Variants in TAF7L observed in about 807,000 individuals in gnomAD.
The protein encoded by TAF7L is TATA-box binding protein associated factor 7 like.
In TAF7L, 6 loss-of-function variants were observed where a neutral mutation model predicts 30.2. The ratio of observed to expected loss-of-function variants is 0.20; its 90% CI spans 0.11 to 0.39. The LOEUF (loss-of-function observed/expected upper bound fraction) is 0.39. TAF7L is among the 10% of genes least tolerant of loss of function. The pLI, the probability that TAF7L is intolerant of heterozygous loss-of-function variation, is 1.00. For synonymous variants in TAF7L, 93 were observed against 94.5 expected (o/e 0.98, Z 0.09); for missense variants, 284 against 277.1 (o/e 1.03, Z -0.18).
rs780573926 is a variant in TAF7L at position 101,275,228 on chromosome X, A to AT, written c.1079dup (p.Asn360LysfsTer2). The AT allele has an allele frequency of 8.5e-6, 10 of 1,181,519 alleles. No homozygotes were observed. Among genetic ancestry groups the AT allele is most frequent in the South Asian group, 1.9e-5 (1 of 53,576 alleles). Reference sequence around the variant, plus strand: ...TTGAAAACATACTTCTTACCTTCTCATTTTTTTGTTTTTCCTGTAACTCAA... The same window carrying AT: ...TTGAAAACATACTTCTTACCTTCTCATTTTTTTTGTTTTTCCTGTAACTCAA... On this transcript the variant is annotated frameshift_variant, in exon 12 of 13. Transcript: ENST00000356784. LOFTEE classifies it high-confidence loss of function.
At chrX:101,288,698 G>A (rs1012977842) in intron 1 of TAF7L, among the ~76,000 whole-genome samples, 8 of 109,632 alleles carry the variant, frequency 7.3e-5, no homozygotes, top group Non-Finnish European at 1.1e-4. Flanking sequence ...TCCTAAGATG[G>A]ATCTTTTTAT....
At chrX:101,276,166 C>T in intron 10 of TAF7L, 54 bp from the exon 11 acceptor site, 3 of 1,158,445 alleles carry the variant, frequency 2.6e-6, no homozygotes, top group Non-Finnish European at 3.5e-6. Context: ...ATGAATGGAC[C>T]AAGATCCAAA....
In TAF7L at chrX:101,284,789, T is replaced by TAAA. The variant is rs61103229; in HGVS notation, c.146-1209_146-1207dup. ...TTCTCCTTTATATGCTTCTCTGTAT[T>TAAA]AAAAAAAAAAACTAGCAAAATTTAT... On this transcript the variant is annotated intron_variant, in intron 3 of 12. Coordinates refer to ENST00000356784, the MANE Select transcript of TAF7L (RefSeq NM_001168474.2). 4.2e-3 allele frequency among the ~76,000 whole-genome samples: 442 copies of TAAA among 105,141 alleles called. 1 individual carries two copies. Among genetic ancestry groups the TAAA allele is most frequent in the African/African-American group, 0.014 (408 of 28,916 alleles). The allele number at this position is 105,141 out of a possible 115,157, so 91.3% of individuals were successfully genotyped here.
Position 101,276,152 on chromosome X carries a change from C to T in TAF7L, c.914-40G>A, listed in dbSNP as rs199702340. ...TAGAACTTTATATATTAAATATAGC[C>T]TAAATGAATGGACCAAGATCCAAAT... On this transcript the variant is annotated intron_variant, in intron 10 of 12. Coordinates refer to ENST00000356784, the MANE Select transcript of TAF7L (RefSeq NM_001168474.2). 19 of 1,149,794 alleles carry T rather than the reference C, an allele frequency of 1.7e-5. No individual in the cohort carries two copies. In the Admixed American group the frequency reaches 1.8e-4, roughly 11 times the overall value. 94.8% of individuals were successfully genotyped at this position (1,149,794 alleles called of 1,213,427 possible).
chrX:101,276,928 G>A (rs5991959), intron 9 of TAF7L, among the ~76,000 whole-genome samples: 36,773 of 104,026 alleles, frequency 0.35, 4,684 homozygotes, highest in Middle Eastern at 0.38. Flanking sequence ...CCAGGAGTTG[G>A]AGACCAGCCT....
chrX:101,288,472 A>G (rs1301082946), intron 1 of TAF7L, among the ~76,000 whole-genome samples: 1 of 99,586 alleles, frequency 1.0e-5, no homozygotes, highest in Non-Finnish European at 2.1e-5. Flanking sequence ...TTTTTTTGAG[A>G]CGGAGTCTCT....
At chrX:101,281,241 ATC>A (rs1449562074) in intron 6 of TAF7L, among the ~76,000 whole-genome samples, 3 of 112,232 alleles carry the variant, frequency 2.7e-5, no homozygotes, top group Non-Finnish European at 5.6e-5. Context: ...GGTACACGAT[ATC>A]TCTCTTTTAT....
intron 6 of TAF7L, among the ~76,000 whole-genome samples, chrX:101,279,793 G>A (rs11092299): frequency 0.34 from 37,599 of 110,027 alleles, 4,714 homozygotes; most frequent in Middle Eastern, 0.38. Context: ...GAGGAGAATG[G>A]AGAACCCAGA....
At position 101,268,342 on chromosome X, in the gene TAF7L, T is replaced by G. The variant is rs1242082617; in HGVS notation, c.*851A>C. The stretch of plus-strand genomic sequence containing the variant: ...ACCTAGAAAAAAACCCAAACAAGAT[T>G]GTTAAAGAAGTCTTCATAGGCATTA... On this transcript the variant is annotated 3_prime_UTR_variant, in exon 13 of 13. Transcript: ENST00000356784. 3.6e-5 allele frequency: 4 copies of G among 112,067 alleles called. No homozygotes were observed. The highest frequency in any genetic ancestry group is 5.6e-5 in the Non-Finnish European group (3 of 53,254). 9.2% of individuals were successfully genotyped at this position (112,067 alleles called of 1,213,427 possible).
At chrX:101,286,082 G>A (rs1325097098) in intron 3 of TAF7L, among the ~76,000 whole-genome samples, 5 of 108,676 alleles carry the variant, frequency 4.6e-5, no homozygotes, top group African/African-American at 1.0e-4. Flanking sequence ...TTGGGAGGCT[G>A]AGGCAGAAGA....
rs1569511159 is a variant in TAF7L, at chrX:101,276,467, A to G, written c.753T>C (p.Asp251=). The G allele has an allele frequency of 8.3e-7, 1 of 1,207,209 alleles. No homozygotes were observed. Among genetic ancestry groups the G allele is most frequent in the African/African-American group, 1.8e-5 (1 of 57,100 alleles). ...CCTCATCCTCATCTTCATCATCCTC[A>G]TCCTCATCATCATCATTGTTACTTC... is the stretch of plus-strand genomic sequence containing the variant. ...DSRSNNDDDE[D]EDDEDEDEDE... Residue 251 remains aspartate (D), a synonymous_variant, in exon 10 of 13, where the codon GAT becomes GAC. Transcript: ENST00000356784.
intron 2 of TAF7L, 138 bp from the exon 3 acceptor site, chrX:101,286,791 G>C: frequency 2.2e-6 from 1 of 447,334 alleles, no homozygotes; most frequent in Admixed American, 3.9e-5. Context: ...CATGTACCAT[G>C]AGATACTGTG....
chrX:101,283,343 C>T, intron 4 of TAF7L, 107 bp downstream of exon 4: 2 of 865,721 alleles, frequency 2.3e-6, no homozygotes, highest in East Asian at 3.1e-5. Context: ...ATTAGAAATG[C>T]CAAGCAGCCA....
intron 9 of TAF7L, 123 bp from the exon 10 acceptor site, chrX:101,276,651 T>A (rs1924197180): frequency 1.4e-6 from 1 of 739,729 alleles, no homozygotes; most frequent in African/African-American, 2.1e-5. Flanking sequence ...AATCATTTTT[T>A]CATGCAGGAA....
At chrX:101,272,327 T>C (rs1437004735) in intron 12 of TAF7L, among the ~76,000 whole-genome samples, 2 of 112,061 alleles carry the variant, frequency 1.8e-5, no homozygotes, top group Non-Finnish European at 3.8e-5. Context: ...TATTCTCTAA[T>C]ATATCAATAT....
upstream of TAF7L, chrX:101,291,388 C>A: frequency 2.0e-6 from 1 of 498,625 alleles, no homozygotes; most frequent in Non-Finnish European, 2.5e-6. Flanking sequence ...CCCCTCCCCG[C>A]CTCGCCACGC....
chrX:101,291,411 G>A, upstream of TAF7L: 2 of 372,098 alleles, frequency 5.4e-6, no homozygotes, highest in Non-Finnish European at 6.9e-6. Flanking sequence ...CCGCGGCCGC[G>A]CTGCCCAGCG....
chrX:101,276,515 A>T lies in TAF7L; in HGVS notation c.705T>A (p.Leu235=). The change falls in exon 10 of 13, where the codon CTT becomes CTA. Residue 235 remains leucine (L), a synonymous_variant. Transcript: ENST00000356784. ...QGHTSSEYDM[L]REMFSDSRSN... ...TTCTAGAATCACTGAACATCTCCCG[A>T]AGCATATCATATTCTACTAGTTTTA... 1.7e-6 allele frequency: 2 copies of T among 1,210,864 alleles called. No homozygotes were observed. Among genetic ancestry groups the T allele is most frequent in the Non-Finnish European group, 2.2e-6 (2 of 895,235 alleles).
upstream of TAF7L, chrX:101,291,375 C>G (rs1358732630): frequency 1.3e-5 from 8 of 620,855 alleles, no homozygotes; most frequent in African/African-American, 2.4e-5. Flanking sequence ...CGGCGCGCGC[C>G]GGCCCCTCCC....
Sources: allele counts gnomAD v4.1 joint callset (sites outside exome capture counted in the v4.1 genomes callset), GRCh38; gene constraint gnomAD v4.1.1; transcripts MANE v1.5; gene names NCBI Gene and HGNC (gene_info 2026-07-23, HGNC 2026-07-21).